The following JADE1 variants were observed in gnomAD, a reference collection of about 807,000 sequenced individuals.
The protein encoded by JADE1 is jade family PHD finger 1, also known as protein Jade-1.
Under a neutral mutation model 81.8 loss-of-function variants are expected in JADE1, and 14 were observed. The observed-to-expected ratio is 0.17, with a 90% confidence interval of 0.11 to 0.27. The LOEUF (loss-of-function observed/expected upper bound fraction) is 0.27, where lower values mean the gene tolerates loss of function less well. JADE1 is among the 10% of genes least tolerant of loss of function. The pLI, the probability that JADE1 is intolerant of heterozygous loss-of-function variation, is 1.00. For missense variants in JADE1, 690 were observed against 1,047.9 expected (o/e 0.66, Z 4.71); for synonymous variants, 353 against 391.9 (o/e 0.90, Z 1.17).
chr4:128,871,591 A>G lies in JADE1; in HGVS notation c.1858A>G (p.Arg620Gly). The stretch of plus-strand genomic sequence containing the variant: ...GCTGAAGCAGCCAGACCTGTGTGGT[A>G]GAAGGGAGGGGATGGTGGTCCCAGA... Reference protein sequence around the residue: ...TLLKQPDLCGRREGMVVPESF... With the variant: ...TLLKQPDLCGGREGMVVPESF... The change falls in exon 11 of 11, where the codon AGA (arginine) becomes GGA (glycine). Residue 620 changes from arginine to glycine, a missense_variant. Arg to Gly is a moderately radical substitution (Grantham distance 125). Transcript: ENST00000226319. The surrounding 1 kb of genome is among the most constrained non-coding windows in gnomAD (Gnocchi z 4.1). 1 of 1,614,188 alleles carries G rather than the reference A, an allele frequency of 6.2e-7. No individual in the cohort carries two copies. The highest frequency in any genetic ancestry group is 8.5e-7 in the Non-Finnish European group (1 of 1,180,036).
intron 2 of JADE1, among the ~76,000 whole-genome samples, chr4:128,837,836 C>T (rs985333651): frequency 1.6e-4 from 25 of 152,124 alleles, no homozygotes; most frequent in Admixed American, 4.6e-4. Flanking sequence ...ACAGGATGAC[C>T]GCTGTTTGAT....
chr4:128,831,578 A>G (rs1210913059), intron 1 of JADE1, 155 bp from the exon 2 acceptor site: 2 of 622,972 alleles, frequency 3.2e-6, no homozygotes, highest in South Asian at 2.0e-5. Flanking sequence ...GCACCTAATT[A>G]TGTATCTTTG....
intron 1 of JADE1, among the ~76,000 whole-genome samples, chr4:128,822,292 G>A (rs1266132506): frequency 6.6e-6 from 1 of 152,122 alleles, no homozygotes; most frequent in Non-Finnish European, 1.5e-5. Flanking sequence ...GCTTGAATCC[G>A]GGAGGCGGAG....
At chr4:128,843,926 T>C (rs1021401718) in intron 3 of JADE1, among the ~76,000 whole-genome samples, 2 of 152,170 alleles carry the variant, frequency 1.3e-5, no homozygotes, top group African/African-American at 2.4e-5. Flanking sequence ...GCTTCCTCCA[T>C]GAGGAAGTAG....
chr4:128,872,287 C>G lies in JADE1; in HGVS notation c.*25C>G, dbSNP rs1368579381. ...ATGCAACAGAGATGATGCGGAAGCC[C>G]TTTGGGCTCGTCATTGGGTTTGCTA... is the stretch of plus-strand genomic sequence containing the variant. On this transcript the variant is annotated 3_prime_UTR_variant, in exon 11 of 11. Transcript: ENST00000226319. 3 of 1,599,936 alleles carry G rather than the reference C, an allele frequency of 1.9e-6. No individual in the cohort carries two copies. Among genetic ancestry groups the G allele is most frequent in the Non-Finnish European group, 2.6e-6 (3 of 1,170,474 alleles).
chr4:128,856,054 A>G (rs1448651229), intron 7 of JADE1, among the ~76,000 whole-genome samples: 1 of 152,070 alleles, frequency 6.6e-6, no homozygotes, highest in Non-Finnish European at 1.5e-5. Context: ...CCTGGGATCA[A>G]GCAGTCCTCT....
At chr4:128,815,650 C>T (rs894779747) in intron 1 of JADE1, among the ~76,000 whole-genome samples, 4 of 152,146 alleles carry the variant, frequency 2.6e-5, no homozygotes, top group African/African-American at 9.7e-5. Context: ...ATACAGATTA[C>T]ATCCTGTCTC....
chr4:128,824,323 G>A (rs114506838), intron 1 of JADE1, among the ~76,000 whole-genome samples: 3,405 of 152,212 alleles, frequency 0.022, 109 homozygotes, highest in African/African-American at 0.074. Flanking sequence ...CCCAGGCTGA[G>A]GCAGGAGAAT....
At chr4:128,858,404 T>A (rs1340363830) in intron 8 of JADE1, among the ~76,000 whole-genome samples, 1 of 152,056 alleles carries the variant, frequency 6.6e-6, no homozygotes, top group Non-Finnish European at 1.5e-5. Flanking sequence ...CACAGGCTCT[T>A]CTTCCTTGGT....
intron 3 of JADE1, among the ~76,000 whole-genome samples, chr4:128,843,912 A>G (rs184101319): frequency 3.2e-4 from 49 of 152,268 alleles, no homozygotes; most frequent in African/African-American, 1.1e-3. Context: ...TTGGTTGTGG[A>G]ATAGCTTCCT....
At chr4:128,847,144 C>T (rs1729939313) in intron 4 of JADE1, among the ~76,000 whole-genome samples, 1 of 152,212 alleles carries the variant, frequency 6.6e-6, no homozygotes, top group African/African-American at 2.4e-5. Context: ...CGACTCTCCT[C>T]ACAATCAGGT....
chr4:128,813,328 A>C (rs1015857825), intron 1 of JADE1, among the ~76,000 whole-genome samples: 1 of 150,392 alleles, frequency 6.6e-6, no homozygotes, highest in Non-Finnish European at 1.5e-5. Flanking sequence ...TGTGAGTAAC[A>C]CTCTTAGCAA....
chr4:128,812,621 G>A (rs1726568699), intron 1 of JADE1, among the ~76,000 whole-genome samples: 1 of 152,208 alleles, frequency 6.6e-6, no homozygotes, highest in African/African-American at 2.4e-5. Context: ...CACCCCAAGC[G>A]GGTGGGGGCG....
intron 1 of JADE1, among the ~76,000 whole-genome samples, chr4:128,812,533 A>G (rs1315577429): frequency 6.6e-6 from 1 of 151,248 alleles, no homozygotes; most frequent in Non-Finnish European, 1.5e-5. Flanking sequence ...CGAGTCCTCA[A>G]CCCCGGCTTG....
At chr4:128,831,481 A>C in intron 1 of JADE1, 1 of 489,044 alleles carries the variant, frequency 2.0e-6, no homozygotes, top group Non-Finnish European at 3.7e-6. Context: ...AGGAATATAG[A>C]AAGAAACCTG....
At chr4:128,834,137 C>G (rs893864387) in intron 2 of JADE1, among the ~76,000 whole-genome samples, 1 of 152,134 alleles carries the variant, frequency 6.6e-6, no homozygotes, top group African/African-American at 2.4e-5. Context: ...CGCAGAAGGC[C>G]TCATATTAGT....
intron 6 of JADE1, 23 bp downstream of exon 6, chr4:128,852,291 AAAG>A (rs1293927527): frequency 6.2e-7 from 1 of 1,603,040 alleles, no homozygotes; most frequent in Non-Finnish European, 8.5e-7. Context: ...GGGAGGCCAG[AAAG>A]AAGAAACCTG....
At chr4:128,862,913 T>TGTGC (rs1389608869) in intron 9 of JADE1, 52 of 983,430 alleles carry the variant, frequency 5.3e-5, no homozygotes, top group Middle Eastern at 1.1e-3. Context: ...TGTGTGTGTG[T>TGTGC]GCGCGTGCCC....
intron 3 of JADE1, among the ~76,000 whole-genome samples, chr4:128,844,421 A>T (rs1427116590): frequency 3.9e-5 from 6 of 152,190 alleles, no homozygotes; most frequent in African/African-American, 1.4e-4. Context: ...GAGACTCCAG[A>T]GTTGACGTCC....
Sources: gnomAD v4.1 joint callset for allele counts (sites outside exome capture counted in the v4.1 genomes callset) on GRCh38, gnomAD v4.1.1 for gene constraint, Gnocchi (gnomAD v3.1) non-coding constraint, MANE v1.5 for transcripts, NCBI Gene and HGNC (gene_info 2026-07-23, HGNC 2026-07-21) for gene names.